The following KRT86 variants were observed in gnomAD, a reference collection of about 807,000 sequenced individuals.
KRT86 encodes keratin 86.
In KRT86, 30 loss-of-function variants were observed where a neutral mutation model predicts 41.2. That is an observed-to-expected ratio of 0.73 (90% CI 0.54 to 0.99). The LOEUF (loss-of-function observed/expected upper bound fraction) is 0.99, where lower values mean the gene tolerates loss of function less well. Among genes scored for constraint, KRT86 ranks in the 50% least tolerant of loss-of-function variants. KRT86 has a pLI of 0.00. For synonymous variants in KRT86, 238 were observed against 238.1 expected, an observed-to-expected ratio of 1.00 and a Z score of 0.00; for missense variants, 561 against 571.4, an observed-to-expected ratio of 0.98 and a Z score of 0.19.
At chr12:52,281,831 T>C (rs1459552805) in intron 2 of KRT86, among the ~76,000 whole-genome samples, 1 of 152,130 alleles carries the variant, frequency 6.6e-6, no homozygotes, top group Non-Finnish European at 1.5e-5. Flanking sequence ...CTCAACCTCC[T>C]GGGCTGAAGC....
At chr12:52,307,929 A>G (rs567035909) in intron 9 of KRT86, among the ~76,000 whole-genome samples, 2 of 152,302 alleles carry the variant, frequency 1.3e-5, no homozygotes, top group African/African-American at 4.8e-5. Context: ...GACGCTTCTT[A>G]TTTGATTCAG....
intron 2 of KRT86, chr12:52,286,243 G>T (rs1416400366): frequency 1.3e-6 from 2 of 1,551,364 alleles, no homozygotes; most frequent in African/African-American, 1.4e-5. Flanking sequence ...CCTGGGACTT[G>T]AGTTGGGGTG....
At chr12:52,278,741 A>G (rs1443264227) in intron 2 of KRT86, among the ~76,000 whole-genome samples, 2 of 151,968 alleles carry the variant, frequency 1.3e-5, no homozygotes, top group African/African-American at 2.4e-5. Flanking sequence ...TATTCTCCTT[A>G]TTCCCTCCTT....
At position 52,274,834 on chromosome 12, in the gene KRT86, A is replaced by G. The variant is rs114011072; in HGVS notation, c.-131+112A>G. On this transcript the variant is annotated intron_variant, in intron 1 of 10. Transcript: ENST00000423955. ...GAACAGGAGCAGAAAAGTTGGGGGC[A>G]GTGGGAACACAGCAGAAATTGAGAT... The G allele has an allele frequency of 3.4e-3, 1,782 of 525,016 alleles. 23 individuals are homozygous for G. The highest frequency in any genetic ancestry group is 0.034 in the African/African-American group (1,638 of 48,546). The allele number at this position is 525,016 out of a possible 1,614,324, so 32.5% of individuals were successfully genotyped here. A position where few individuals can be genotyped will look rare whatever the true frequency, so the allele number is the denominator to read the frequency against.
intron 2 of KRT86, among the ~76,000 whole-genome samples, chr12:52,288,942 A>C (rs1350389981): frequency 2.6e-4 from 38 of 144,508 alleles, no homozygotes; most frequent in Middle Eastern, 6.8e-3. Flanking sequence ...GGGCCTCAGC[A>C]ATAGACCACA....
intron 2 of KRT86, chr12:52,286,334 C>T: frequency 1.9e-6 from 3 of 1,554,924 alleles, no homozygotes; most frequent in Non-Finnish European, 1.7e-6. Context: ...GCAGGAACCC[C>T]CTCCGCAGGT....
chr12:52,287,485 T>C (rs1937985381), intron 2 of KRT86: 24 of 1,603,080 alleles, frequency 1.5e-5, no homozygotes, highest in Non-Finnish European at 1.8e-5. Flanking sequence ...GGACTCTACA[T>C]GGACAAAGGG....
chr12:52,281,191 T>G (rs1449705748), intron 2 of KRT86, among the ~76,000 whole-genome samples: 1 of 152,146 alleles, frequency 6.6e-6, no homozygotes, highest in Non-Finnish European at 1.5e-5. Flanking sequence ...TTTATAAGCT[T>G]TGTGAGTCGG....
intron 2 of KRT86, among the ~76,000 whole-genome samples, chr12:52,298,693 A>G (rs1163789995): frequency 6.6e-6 from 1 of 152,258 alleles, no homozygotes; most frequent in Non-Finnish European, 1.5e-5. Context: ...GCCTGAGTTT[A>G]CACAGCTAGA....
At chr12:52,308,118 C>T (rs1938558412) in intron 9 of KRT86, 115 bp from the exon 10 acceptor site, 1 of 1,402,830 alleles carries the variant, frequency 7.1e-7, no homozygotes. Flanking sequence ...GCATTTCTTG[C>T]CCCTTCCCTT....
chr12:52,301,447 C>T (rs1481868200), intron 2 of KRT86, among the ~76,000 whole-genome samples: 4 of 152,084 alleles, frequency 2.6e-5, no homozygotes, highest in African/African-American at 9.7e-5. Flanking sequence ...GATTCCCCCT[C>T]CCAACATTCC....
At chr12:52,304,483 G>A (rs1353028695) in intron 5 of KRT86, among the ~76,000 whole-genome samples, 1 of 150,628 alleles carries the variant, frequency 6.6e-6, no homozygotes, top group African/African-American at 2.4e-5. Flanking sequence ...CAATGTCTCT[G>A]CTGAGAGACA....
chr12:52,302,273 C>T lies in KRT86; in HGVS notation c.357C>T (p.Ala119=), dbSNP rs1938406264. Residue 119 remains alanine, a synonymous_variant, in exon 3 of 11, where the codon GCC becomes GCT. Coordinates refer to ENST00000423955, the MANE Select transcript of KRT86 (RefSeq NM_001320198.2). ...QIKSLNSRFA[A]FIDKVRFLEQ... is the part of the protein sequence containing the mutation. The stretch of plus-strand genomic sequence containing the variant: ...AGTCCCTCAACAGCAGGTTCGCGGC[C>T]TTCATCGACAAGGTGGGTGTCCTGG... The T allele has an allele frequency of 2.6e-6, 2 of 762,112 alleles. No individual in the cohort carries two copies. Among genetic ancestry groups the T allele is most frequent in the Non-Finnish European group, 3.9e-6 (2 of 519,044 alleles). 47.2% of individuals were successfully genotyped at this position (762,112 alleles called of 1,614,324 possible). A position where few individuals can be genotyped will look rare whatever the true frequency, so the allele number is the denominator to read the frequency against.
intron 2 of KRT86, among the ~76,000 whole-genome samples, chr12:52,283,925 T>G (rs10783507): frequency 0.3 from 45,824 of 152,118 alleles, 7,102 homozygotes; most frequent in East Asian, 0.4. Flanking sequence ...CTTGCTCCTC[T>G]GTCTGAGCCT....
At chr12:52,305,446 G>C (rs1938487366) in intron 7 of KRT86, 42 bp downstream of exon 7, 1 of 1,614,076 alleles carries the variant, frequency 6.2e-7, no homozygotes, top group Non-Finnish European at 8.5e-7. Flanking sequence ...ATGGCAGTGG[G>C]AGGGATTTGA....
Position 52,302,013 on chromosome 12 carries a change from C to T in KRT86, c.97C>T (p.Arg33Cys), listed in dbSNP as rs774487692. 26 of 1,611,912 alleles carry T rather than the reference C, an allele frequency of 1.6e-5. No individual in the cohort carries two copies. Among genetic ancestry groups the T allele is most frequent in the Non-Finnish European group, 2.0e-5 (24 of 1,179,078 alleles). The change falls in exon 3 of 11, where the codon CGT (arginine) becomes TGT (cysteine). Residue 33 changes from arginine (R) to cysteine (C), a missense_variant. Physicochemically the swap from Arg to Cys is radical, Grantham distance 180 (BLOSUM62 -3). Around this residue, in one of 3 missense-constraint regions of KRT86, gnomAD observed 164 missense variants for 172.5 expected, o/e 0.95. Coordinates refer to ENST00000423955, the MANE Select transcript of KRT86 (RefSeq NM_001320198.2). The part of the protein sequence containing the change: ...GRCCITAAPY[R>C]GISCYRGLTG... Reference sequence around the variant, plus strand: ...CTGCTGCATCACCGCCGCCCCCTACCGTGGCATCTCCTGCTACCGCGGCCT... The same window carrying T: ...CTGCTGCATCACCGCCGCCCCCTACTGTGGCATCTCCTGCTACCGCGGCCT...
Position 52,304,995 on chromosome 12 carries a change from G to A in KRT86, c.703G>A (p.Glu235Lys). 2 of 1,614,150 alleles carry A rather than the reference G, an allele frequency of 1.2e-6. No individual in the cohort carries two copies. Among genetic ancestry groups the A allele is most frequent in the Non-Finnish European group, 1.7e-6 (2 of 1,180,014 alleles). Residue 235 changes from glutamate (E) to lysine (K), a missense_variant, in exon 6 of 11, where the codon GAG becomes AAG. Coordinates refer to ENST00000423955, the MANE Select transcript of KRT86 (RefSeq NM_001320198.2). ...GGCCAATGTGGAGGCCCTGATCCAG[G>A]AGATCGACTTCCTGAGGCGGCTGTA... Reference protein sequence around the residue: ...LEANVEALIQEIDFLRRLYEE... With the variant: ...LEANVEALIQKIDFLRRLYEE...
chr12:52,280,844 G>T (rs535207934), intron 2 of KRT86, among the ~76,000 whole-genome samples: 2 of 152,272 alleles, frequency 1.3e-5, no homozygotes, highest in East Asian at 3.9e-4. Flanking sequence ...ATTTTCTCCA[G>T]CTCCTGCTAT....
chr12:52,305,042 G>T lies in KRT86; in HGVS notation c.735+15G>T, dbSNP rs376677224. On this transcript the variant is annotated intron_variant, in intron 6 of 10. Transcript: ENST00000423955. ...TGTATGAGGAGGTGCGGGCTCAGGG[G>T]CCAGGCAGAGACCTGGCAGCCAGCA... 6.2e-7 allele frequency: 1 copy of T among 1,613,598 alleles called. No homozygotes were observed. Among genetic ancestry groups the T allele is most frequent in the Non-Finnish European group, 8.5e-7 (1 of 1,179,890 alleles).
Sources: allele counts gnomAD v4.1 joint callset (sites outside exome capture counted in the v4.1 genomes callset), GRCh38; gene constraint gnomAD v4.1.1; regional missense constraint gnomAD v4.1.1; transcripts MANE v1.5; gene names NCBI Gene and HGNC (gene_info 2026-07-23, HGNC 2026-07-21).